Variants in MYO1H observed in about 807,000 individuals in gnomAD.
The protein encoded by MYO1H is myosin IH, also known as unconventional myosin-Ih.
In MYO1H, 118 loss-of-function variants were observed where a neutral mutation model predicts 149.3. The ratio of observed to expected loss-of-function variants is 0.79; its 90% confidence interval spans 0.68 to 0.92. MYO1H has a LOEUF of 0.92. Ranked by LOEUF, MYO1H falls within the 40% of genes least tolerant of loss-of-function variation. MYO1H has a pLI of 0.00. For missense variants in MYO1H, 1,212 were observed against 1,280.7 expected (o/e 0.95, Z 0.82); for synonymous variants, 447 against 465.2 (o/e 0.96, Z 0.50).
the MYO1H span, among the ~76,000 whole-genome samples, chr12:109,342,437 A>T: frequency 7.8e-6 from 1 of 128,616 alleles, no homozygotes; most frequent in Non-Finnish European, 1.6e-5. Flanking sequence ...GAGCCACTGC[A>T]TCCAGTCCTG....
chr12:109,440,374 C>G (rs554327632), intron 24 of MYO1H, among the ~76,000 whole-genome samples: 33 of 152,202 alleles, frequency 2.2e-4, no homozygotes, highest in African/African-American at 7.9e-4. Flanking sequence ...CCTGACGTAG[C>G]CTTCCTAGAA....
intron 19 of MYO1H, 32 bp from the exon 20 acceptor site, chr12:109,432,865 C>T (rs1871693609): frequency 2.5e-6 from 4 of 1,588,716 alleles, no homozygotes; most frequent in Non-Finnish European, 2.6e-6. Flanking sequence ...AAGGTACGGT[C>T]ACAGCTTCTC....
intron 28 of MYO1H, among the ~76,000 whole-genome samples, 170 bp from the exon 29 acceptor site, chr12:109,444,043 G>A (rs554665595): frequency 6.6e-5 from 10 of 152,276 alleles, no homozygotes; most frequent in African/African-American, 2.4e-4. Flanking sequence ...CTTCCACGGT[G>A]ATCAGAGCCC....
intron 1 of MYO1H, chr12:109,354,039 T>C (rs1868526518): frequency 8.3e-6 from 1 of 120,494 alleles, no homozygotes; most frequent in African/African-American, 3.5e-5. Flanking sequence ...AAAATAAAGG[T>C]GTAATTCTTC....
intron 1 of MYO1H, among the ~76,000 whole-genome samples, chr12:109,383,193 C>T (rs1160606491): frequency 6.6e-6 from 1 of 152,158 alleles, no homozygotes; most frequent in Admixed American, 6.5e-5. Context: ...TAACATTTCC[C>T]TTGAACAAAG....
intron 6 of MYO1H, 47 bp downstream of exon 6, chr12:109,401,319 A>T (rs367858796): frequency 1.5e-5 from 24 of 1,549,050 alleles, no homozygotes; most frequent in Non-Finnish European, 2.0e-5. Flanking sequence ...GGAGCAGGGG[A>T]TCAGAGATGT....
At chr12:109,321,067 G>A in the MYO1H span, among the ~76,000 whole-genome samples, 2 of 151,088 alleles carry the variant, frequency 1.3e-5, no homozygotes, top group East Asian at 2.0e-4. Flanking sequence ...CAGCCTGGGC[G>A]ACAGAGCAAT....
At chr12:109,417,468 C>T (rs1272508063) in intron 15 of MYO1H, among the ~76,000 whole-genome samples, 4 of 151,912 alleles carry the variant, frequency 2.6e-5, no homozygotes, top group African/African-American at 9.7e-5. Context: ...GCTGGGACTA[C>T]AGGTGCCCGC....
intron 27 of MYO1H, among the ~76,000 whole-genome samples, chr12:109,442,683 A>ATG (rs1447719287): frequency 6.6e-5 from 10 of 151,072 alleles, no homozygotes; most frequent in African/African-American, 2.4e-4. Flanking sequence ...GTGAATGAGG[A>ATG]TGATGGGTTT....
intron 21 of MYO1H, 80 bp downstream of exon 21, chr12:109,435,193 G>A: frequency 2.2e-6 from 2 of 910,934 alleles, no homozygotes; most frequent in Non-Finnish European, 3.4e-6. Flanking sequence ...TTAAACACGG[G>A]TGTTTGATAT....
chr12:109,392,725 A>G (rs1869708005), intron 2 of MYO1H, among the ~76,000 whole-genome samples: 1 of 151,658 alleles, frequency 6.6e-6, no homozygotes, highest in Admixed American at 6.6e-5. Context: ...CAAAAAAAAG[A>G]AGACGACTTC....
chr12:109,405,253 T>C lies in MYO1H; in HGVS notation c.850-669T>C, dbSNP rs7956833. Among the ~76,000 whole-genome samples the C allele has an allele frequency of 9.5e-3, 1,444 of 152,168 alleles. 19 individuals carry two copies. The highest frequency in any genetic ancestry group is 0.033 in the African/African-American group (1,357 of 41,498). ...GATGGATGGATAGATAGATAGATAA[T>C]GTTATTTGAAAATTAAGTGCGTTCA... On this transcript the variant is annotated intron_variant, in intron 7 of 31. Transcript: ENST00000310903.
At chr12:109,433,374 A>G (rs7308864) in intron 20 of MYO1H, among the ~76,000 whole-genome samples, 90,721 of 152,036 alleles carry the variant, frequency 0.6, 27,973 homozygotes, top group African/African-American at 0.75. Context: ...GGACCTAGAC[A>G]ATGTGAGATC....
At chr12:109,403,234 T>C (rs1870239112) in intron 6 of MYO1H, among the ~76,000 whole-genome samples, 1 of 152,240 alleles carries the variant, frequency 6.6e-6, no homozygotes, top group Non-Finnish European at 1.5e-5. Flanking sequence ...AACGTGCAGG[T>C]TAGTTACATA....
chr12:109,366,920 C>T (rs577355016), intron 1 of MYO1H, among the ~76,000 whole-genome samples: 13 of 152,268 alleles, frequency 8.5e-5, no homozygotes, highest in East Asian at 5.8e-4. Flanking sequence ...TCAAAGGAAA[C>T]GGTCATTGGA....
intron 3 of MYO1H, among the ~76,000 whole-genome samples, chr12:109,393,859 T>A (rs1481065980): frequency 6.6e-6 from 1 of 151,710 alleles, no homozygotes; most frequent in Non-Finnish European, 1.5e-5. Flanking sequence ...GCAACCTGTG[T>A]GTAACTGCTG....
rs181306499 is a variant in MYO1H at position 109,377,109 on chromosome 12, C to T, written c.13-11574C>T. 1.1e-3 allele frequency among the ~76,000 whole-genome samples: 168 copies of T among 152,320 alleles called. 1 individual carries two copies. Among genetic ancestry groups the T allele is most frequent in the African/African-American group, 3.4e-3 (142 of 41,564 alleles). ...TTATAGTTTCAAAACATTTCCATCA[C>T]TCCAAAGTAAAATATCTTCCCATTA... On this transcript the variant is annotated intron_variant, in intron 1 of 31. Transcript: ENST00000310903.
chr12:109,346,592 C>T (rs2048103258), upstream of MYO1H, among the ~76,000 whole-genome samples: 1 of 152,204 alleles, frequency 6.6e-6, no homozygotes, highest in African/African-American at 2.4e-5. Flanking sequence ...GAAACCTTAT[C>T]TCTACTAAAA....
At chr12:109,322,013 A>G in the MYO1H span, among the ~76,000 whole-genome samples, 1 of 152,192 alleles carries the variant, frequency 6.6e-6, no homozygotes, top group Non-Finnish European at 1.5e-5. Flanking sequence ...TGTCTGAGGC[A>G]GTGATGAGTT....
Sources: gnomAD v4.1 joint callset for allele counts (sites outside exome capture counted in the v4.1 genomes callset) on GRCh38, gnomAD v4.1.1 for gene constraint, MANE v1.5 for transcripts, NCBI Gene and HGNC (gene_info 2026-07-23, HGNC 2026-07-21) for gene names.